The following THSD4 variants were observed in gnomAD, a reference collection of about 807,000 sequenced individuals.
The protein encoded by THSD4 is thrombospondin type-1 domain-containing protein 4.
THSD4 carries 69 observed loss-of-function variants against 119.0 expected under a neutral mutation model. The ratio of observed to expected loss-of-function variants is 0.58; its 90% confidence interval spans 0.48 to 0.71. The LOEUF (loss-of-function observed/expected upper bound fraction) is 0.71, where lower values mean the gene tolerates loss of function less well. Ranked by LOEUF, THSD4 falls within the 30% of genes least tolerant of loss-of-function variation. THSD4 has a pLI of 0.00. For synonymous variants in THSD4, 524 were observed against 540.4 expected (o/e 0.97, Z 0.42); for missense variants, 1,393 against 1,391.1 (o/e 1.00, Z -0.02).
intron 6 of THSD4, among the ~76,000 whole-genome samples, chr15:71,301,643 G>A (rs543129483): frequency 2.0e-5 from 3 of 152,176 alleles, no homozygotes; most frequent in East Asian, 1.9e-4. Flanking sequence ...CCAGATGAAC[G>A]TAAATTGATG....
chr15:71,601,183 A>G (rs964422905), intron 7 of THSD4, among the ~76,000 whole-genome samples: 1 of 152,250 alleles, frequency 6.6e-6, no homozygotes, highest in African/African-American at 2.4e-5. Context: ...ATGTGATGAC[A>G]GAGCAAGAGC....
chr15:71,601,310 C>T (rs1256397308), intron 7 of THSD4, among the ~76,000 whole-genome samples: 2 of 152,118 alleles, frequency 1.3e-5, no homozygotes, highest in African/African-American at 4.8e-5. Flanking sequence ...AGAATTGATG[C>T]ATTTATGAAA....
At position 71,220,415 on chromosome 15, in the gene THSD4, A is replaced by G. The variant is rs144338737; in HGVS notation, c.464+5016A>G. Among the ~76,000 whole-genome samples the G allele has an allele frequency of 3.6e-3, 546 of 152,350 alleles. 3 individuals are homozygous for G. The highest frequency in any genetic ancestry group is 4.6e-3 in the Non-Finnish European group (315 of 68,026). ...TCTAAAAGCCTCAAAAATAACGTCA[A>G]TCTTCATTGGAGCTCTCCCAAGGAT... On this transcript the variant is annotated intron_variant, in intron 4 of 17. Transcript: ENST00000261862.
chr15:71,577,524 A>G (rs62022797), intron 7 of THSD4, among the ~76,000 whole-genome samples: 25,990 of 152,072 alleles, frequency 0.17, 2,556 homozygotes, highest in Non-Finnish European at 0.22. Flanking sequence ...TAAATTTGGT[A>G]TATGGGGAAG....
intron 6 of THSD4, among the ~76,000 whole-genome samples, chr15:71,294,138 C>G (rs1440247631): frequency 6.6e-6 from 1 of 152,188 alleles, no homozygotes; most frequent in Non-Finnish European, 1.5e-5. Flanking sequence ...TCTGTAACAC[C>G]TCTCTGAACC....
intron 8 of THSD4, among the ~76,000 whole-genome samples, chr15:71,683,253 T>C (rs181616702): frequency 9.6e-4 from 146 of 152,072 alleles, no homozygotes; most frequent in African/African-American, 3.4e-3. Context: ...TTTCAGACAG[T>C]CTAGCATTAT....
chr15:71,577,508 T>A (rs778985268), intron 7 of THSD4, among the ~76,000 whole-genome samples: 17 of 152,268 alleles, frequency 1.1e-4, no homozygotes, highest in Non-Finnish European at 2.2e-4. Context: ...TCACAGAGGC[T>A]GGAAATAAAT....
chr15:71,475,693 C>T (rs1047227443), intron 7 of THSD4, among the ~76,000 whole-genome samples: 13 of 152,040 alleles, frequency 8.6e-5, no homozygotes, highest in South Asian at 2.1e-4. Context: ...GAGCTTGAGG[C>T]GGGAAGTTTG....
At chr15:71,547,271 A>G in intron 7 of THSD4, 2 of 1,468,808 alleles carry the variant, frequency 1.4e-6, no homozygotes, top group African/African-American at 1.4e-5. Flanking sequence ...CGGGCAGTAC[A>G]GTGAGGGAGA....
intron 7 of THSD4, among the ~76,000 whole-genome samples, chr15:71,570,317 A>G (rs28407615): frequency 0.017 from 2,527 of 152,318 alleles, 68 homozygotes; most frequent in African/African-American, 0.056. Context: ...GATATTGGTC[A>G]GGAAAATATT....
chr15:71,653,244 A>G (rs1006917934), intron 7 of THSD4, among the ~76,000 whole-genome samples: 1 of 152,218 alleles, frequency 6.6e-6, no homozygotes, highest in African/African-American at 2.4e-5. Flanking sequence ...GTAAGGAACT[A>G]TTTTTGGAAA....
intron 17 of THSD4, among the ~76,000 whole-genome samples, chr15:71,774,433 A>G (rs2053878373): frequency 6.6e-6 from 1 of 152,178 alleles, no homozygotes; most frequent in Non-Finnish European, 1.5e-5. Flanking sequence ...CTTTTAAAAT[A>G]TTAGACAATG....
In THSD4 at chr15:71,141,656, C is replaced by T. The variant is rs560239771; in HGVS notation, c.29+100C>T. The stretch of plus-strand genomic sequence containing the variant: ...TAAAGTAAGTGATCTTAAGGGTCTG[C>T]AGCTGACTGATATTTTTGATATAAT... On this transcript the variant is annotated intron_variant, in intron 2 of 17. Coordinates refer to ENST00000261862, the MANE Select transcript of THSD4 (RefSeq NM_024817.3). 1.1e-5 allele frequency: 15 copies of T among 1,313,150 alleles called. No individual in the cohort carries two copies. The South Asian group carries it at 2.0e-4, about 17-fold the overall frequency. 81.3% of individuals were successfully genotyped at this position (1,313,150 alleles called of 1,614,324 possible).
chr15:71,317,094 A>G (rs2045197643), intron 6 of THSD4, among the ~76,000 whole-genome samples: 1 of 152,170 alleles, frequency 6.6e-6, no homozygotes. Flanking sequence ...CTAAGGGAGA[A>G]TTTTCAGAGC....
rs556073704 is a variant in THSD4, at chr15:71,522,615, A to G, written c.1152+110792A>G. 2.3e-3 allele frequency among the ~76,000 whole-genome samples: 343 copies of G among 152,364 alleles called. 10 individuals carry two copies. In the South Asian group the frequency reaches 0.067, roughly 30 times the overall value. ...TTCTGGATGTCATGGTTGTCACCTA[A>G]TATGTGCCCAATAAACACATGTTGA... On this transcript the variant is annotated intron_variant, in intron 7 of 17. Coordinates refer to ENST00000261862, the MANE Select transcript of THSD4 (RefSeq NM_024817.3).
At chr15:71,102,471 T>G (rs1196680172) in intron 1 of THSD4, among the ~76,000 whole-genome samples, 1 of 152,232 alleles carries the variant, frequency 6.6e-6, no homozygotes, top group African/African-American at 2.4e-5. Context: ...TTGATCTATC[T>G]TTAAGTTAAT....
At chr15:71,377,147 A>AG (rs960818813) in intron 6 of THSD4, among the ~76,000 whole-genome samples, 1 of 152,188 alleles carries the variant, frequency 6.6e-6, no homozygotes, top group Non-Finnish European at 1.5e-5. Context: ...GATTTCATGA[A>AG]GGGGGTAAAG....
chr15:71,202,658 T>A (rs909007476), intron 3 of THSD4, among the ~76,000 whole-genome samples: 7 of 152,164 alleles, frequency 4.6e-5, no homozygotes, highest in Non-Finnish European at 1.0e-4. Context: ...TCAGCCGTTT[T>A]CCCCCATTTT....
At chr15:71,282,268 T>G (rs1331143393) in intron 6 of THSD4, among the ~76,000 whole-genome samples, 1 of 152,216 alleles carries the variant, frequency 6.6e-6, no homozygotes, top group East Asian at 1.9e-4. Context: ...GCATCTCACT[T>G]AAACCGTGGC....
Sources: gnomAD v4.1 joint callset for allele counts (sites outside exome capture counted in the v4.1 genomes callset) on GRCh38, gnomAD v4.1.1 for gene constraint, MANE v1.5 for transcripts, NCBI Gene and HGNC (gene_info 2026-07-23, HGNC 2026-07-21) for gene names.